SLCO4A1: variants seen among roughly 807,000 people sequenced by gnomAD.
The protein encoded by SLCO4A1 is solute carrier organic anion transporter family member 4A1.
Under a neutral mutation model 64.6 loss-of-function variants are expected in SLCO4A1, and 51 were observed. That is an observed-to-expected ratio of 0.79 (90% confidence interval 0.63 to 1.00). The LOEUF (loss-of-function observed/expected upper bound fraction) is 1.00, where lower values mean the gene tolerates loss of function less well. Ranked by LOEUF, SLCO4A1 falls within the 50% of genes least tolerant of loss-of-function variation. SLCO4A1 has a pLI of 0.00. For missense variants in SLCO4A1, 919 were observed against 980.5 expected (o/e 0.94, Z 0.84); for synonymous variants, 471 against 444.9 (o/e 1.06, Z -0.74).
At chr20:62,648,108 T>TTCA in intron 1 of SLCO4A1, among the ~76,000 whole-genome samples, 1 of 152,212 alleles carries the variant, frequency 6.6e-6, no homozygotes, top group East Asian at 1.9e-4. Flanking sequence ...CCCCGGCTGA[T>TTCA]CGCCTTGGCC....
chr20:62,662,781 T>C (rs1280144387), intron 5 of SLCO4A1, among the ~76,000 whole-genome samples: 116 of 26,090 alleles, frequency 4.4e-3, no homozygotes, highest in Non-Finnish European at 5.1e-3. Context: ...GGGTGCCCAC[T>C]CCAGCCCCGT....
chr20:62,669,419 TAAG>T (rs2147104971), intron 11 of SLCO4A1, among the ~76,000 whole-genome samples: 1 of 152,312 alleles, frequency 6.6e-6, no homozygotes, highest in East Asian at 1.9e-4. Flanking sequence ...TTTGCAGAAA[TAAG>T]AAGTGGCTGC....
Position 62,645,466 on chromosome 20 carries a change from G to A in SLCO4A1, c.-97+2913G>A, listed in dbSNP as rs1484968491. On this transcript the variant is annotated intron_variant, in intron 1 of 11. Transcript: ENST00000217159. The surrounding 1 kb of genome is among the most constrained non-coding windows in gnomAD (Gnocchi z 4.2). The stretch of plus-strand genomic sequence containing the variant: ...TGAGGGTGAGGGTGCGGGTGAGGAT[G>A]AGGGTGCGGGTGAGGACCCACCCAC... Among the ~76,000 whole-genome samples, 1 of 147,188 alleles carries A rather than the reference G, an allele frequency of 6.8e-6. No individual in the cohort carries two copies. Among genetic ancestry groups the A allele is most frequent in the Admixed American group, 6.7e-5 (1 of 14,974 alleles).
At position 62,671,742 on chromosome 20, in the gene SLCO4A1, C is replaced by G. The variant is rs773652016; in HGVS notation, c.2026-8C>G. 6.2e-7 allele frequency: 1 copy of G among 1,611,782 alleles called. No individual in the cohort carries two copies. The highest frequency in any genetic ancestry group is 1.7e-5 in the Admixed American group (1 of 59,988). On this transcript the variant is annotated splice_region_variant and splice_polypyrimidine_tract_variant and intron_variant, in intron 11 of 11. Coordinates refer to ENST00000217159, the MANE Select transcript of SLCO4A1 (RefSeq NM_016354.4). Reference sequence around the variant, plus strand: ...CCCACGAGGTCCAGCGGGCTCCTCTCTCCCCAGGTGCTGGGCGTCCTCTTC... The same window carrying G: ...CCCACGAGGTCCAGCGGGCTCCTCTGTCCCCAGGTGCTGGGCGTCCTCTTC...
downstream of SLCO4A1, among the ~76,000 whole-genome samples, chr20:62,689,923 G>A (rs986579098): frequency 6.6e-6 from 1 of 152,186 alleles, no homozygotes; most frequent in Non-Finnish European, 1.5e-5. Context: ...GAGCAGATGC[G>A]GGGGACCCGC....
downstream of SLCO4A1, among the ~76,000 whole-genome samples, chr20:62,673,717 G>T (rs140802145): frequency 2.0e-5 from 3 of 148,866 alleles, no homozygotes; most frequent in Admixed American, 2.0e-4. Flanking sequence ...GCTCAGCCCT[G>T]GCCTTCAAGG....
At chr20:62,667,683 CCTGCTGGGCGCCAGCATGG>C in intron 7 of SLCO4A1, 43 bp from the exon 8 acceptor site, 1 of 1,543,048 alleles carries the variant, frequency 6.5e-7, no homozygotes, top group Non-Finnish European at 8.8e-7. Context: ...TGACCCTGTG[CCTGCTGGGCGCCAGCATGG>C]CTCTGGCCTG....
At chr20:62,659,058 G>T (rs1984294797) in intron 3 of SLCO4A1, among the ~76,000 whole-genome samples, 1 of 152,246 alleles carries the variant, frequency 6.6e-6, no homozygotes, top group African/African-American at 2.4e-5. Flanking sequence ...ATGAAACTGA[G>T]ATTTTTCTGT....
intron 2 of SLCO4A1, among the ~76,000 whole-genome samples, chr20:62,657,547 C>A (rs1164538997): frequency 6.6e-6 from 1 of 152,254 alleles, no homozygotes; most frequent in East Asian, 1.9e-4. Context: ...GACCAAGGGG[C>A]ACAGTCACTA....
chr20:62,684,544 G>A (rs1479577009), intron 2 of SLCO4A1, among the ~76,000 whole-genome samples: 3 of 152,122 alleles, frequency 2.0e-5, no homozygotes, highest in Non-Finnish European at 4.4e-5. Flanking sequence ...CAATCACAGG[G>A]GAGACTGCTT....
downstream of SLCO4A1, among the ~76,000 whole-genome samples, chr20:62,672,761 A>C (rs1055288361): frequency 2.0e-5 from 3 of 152,084 alleles, no homozygotes; most frequent in Admixed American, 2.0e-4. Flanking sequence ...GCGGGGTCAT[A>C]AGGGTGGGTG....
rs752831273 is a variant in SLCO4A1 at position 62,665,018 on chromosome 20, G to A, written c.1206G>A (p.Met402Ile). Residue 402 changes from methionine to isoleucine, a missense_variant, in exon 6 of 12, where the codon ATG becomes ATA. Met to Ile is a conservative substitution (Grantham distance 10). Coordinates refer to ENST00000217159, the MANE Select transcript of SLCO4A1 (RefSeq NM_016354.4). ...CCGAGGCCACTCTCATCACCGGCATGTCCACGTTCAGCCCCAAGTTCTTGG... is the reference window on the plus strand; with the variant it reads ...CCGAGGCCACTCTCATCACCGGCATATCCACGTTCAGCCCCAAGTTCTTGG... ...GATEATLITGMSTFSPKFLES... is the reference protein window; with the variant it reads ...GATEATLITGISTFSPKFLES... 1.9e-6 allele frequency: 3 copies of A among 1,613,960 alleles called. No homozygotes were observed. Among genetic ancestry groups the A allele is most frequent in the Non-Finnish European group, 2.5e-6 (3 of 1,179,946 alleles).
At chr20:62,653,821 A>C (rs997089125) in intron 1 of SLCO4A1, among the ~76,000 whole-genome samples, 1 of 147,970 alleles carries the variant, frequency 6.8e-6, no homozygotes, top group Non-Finnish European at 1.5e-5. Context: ...GTTCTCACTC[A>C]TAGGTGGAAA....
intron 1 of SLCO4A1, chr20:62,651,258 A>G (rs777647933): frequency 2.0e-5 from 3 of 152,240 alleles, no homozygotes; most frequent in Non-Finnish European, 2.9e-5. Flanking sequence ...ACGGCCTCCC[A>G]GAGAAGATTT....
chr20:62,673,812 C>T (rs1045409840), downstream of SLCO4A1, among the ~76,000 whole-genome samples: 7 of 152,238 alleles, frequency 4.6e-5, 2 homozygotes, highest in Non-Finnish European at 1.0e-4. Flanking sequence ...ATCAGAGACC[C>T]AGCTCCGTGG....
At chr20:62,676,049 A>G (rs1425901338), downstream of SLCO4A1, among the ~76,000 whole-genome samples, 1 of 152,236 alleles carries the variant, frequency 6.6e-6, no homozygotes, top group African/African-American at 2.4e-5. Flanking sequence ...GTCAGACGCC[A>G]GGAGCAGCTG....
At chr20:62,643,944 C>T (rs1310079264) in intron 1 of SLCO4A1, among the ~76,000 whole-genome samples, 1 of 152,220 alleles carries the variant, frequency 6.6e-6, no homozygotes, top group Non-Finnish European at 1.5e-5. Flanking sequence ...GTGATTGACT[C>T]TAGGCCACAC....
chr20:62,674,334 C>G (rs910100216), downstream of SLCO4A1, among the ~76,000 whole-genome samples: 2 of 152,140 alleles, frequency 1.3e-5, no homozygotes, highest in African/African-American at 2.4e-5. Context: ...AGCTGTCAGC[C>G]TGCGGGCTGA....
downstream of SLCO4A1, among the ~76,000 whole-genome samples, chr20:62,676,138 G>A (rs1276723455): frequency 3.3e-5 from 5 of 152,144 alleles, no homozygotes; most frequent in Admixed American, 2.0e-4. Context: ...GAATTCGGCC[G>A]GCTCGCCAGC....
Sources: gnomAD v4.1 joint callset for allele counts (sites outside exome capture counted in the v4.1 genomes callset) on GRCh38, gnomAD v4.1.1 for gene constraint, Gnocchi (gnomAD v3.1) non-coding constraint, MANE v1.5 for transcripts, NCBI Gene and HGNC (gene_info 2026-07-23, HGNC 2026-07-21) for gene names.